Variants in ATP8B2 observed in about 807,000 individuals in gnomAD.
ATP8B2 encodes the protein phospholipid-transporting ATPase ID.
ATP8B2 carries 70 observed loss-of-function variants against 133.4 expected under a neutral mutation model. The ratio of observed to expected loss-of-function variants is 0.52; its 90% CI spans 0.43 to 0.64. The LOEUF is 0.64. Among genes scored for constraint, ATP8B2 ranks in the 30% least tolerant of loss-of-function variants. The pLI is 0.00. For synonymous variants in ATP8B2, 517 were observed against 589.5 expected (o/e 0.88, Z 1.78); for missense variants, 1,101 against 1,535.7 (o/e 0.72, Z 4.73).
chr1:154,331,655 C>T lies in ATP8B2; in HGVS notation c.415C>T (p.Leu139=), dbSNP rs141843435. 1.8e-4 allele frequency: 284 copies of T among 1,614,090 alleles called. No homozygotes were observed. The highest frequency in any genetic ancestry group is 2.2e-4 in the Non-Finnish European group (255 of 1,180,040). ...TGTCTGTGTTGGTGATATTATCAAGCTAGAAAATAACCAGTTTGTGGCGGT... is the reference window on the plus strand; with the variant it reads ...TGTCTGTGTTGGTGATATTATCAAGTTAGAAAATAACCAGTTTGTGGCGGT... ...MNVCVGDIIK[L]ENNQFVAADL... Residue 139 remains leucine, a synonymous_variant, in exon 7 of 28, where the codon CTA becomes TTA. Coordinates refer to ENST00000368489, the MANE Select transcript of ATP8B2 (RefSeq NM_001370597.1). The surrounding 1 kb of genome is among the most constrained non-coding windows in gnomAD (Gnocchi z 4.8).
At position 154,346,336 on chromosome 1, in the gene ATP8B2, A is replaced by G; in HGVS notation, c.2884A>G (p.Ile962Val). The change falls in exon 25 of 28, where the codon ATC (isoleucine) becomes GTC (valine). Residue 962 changes from isoleucine (I) to valine (V), a missense_variant. By Grantham distance (29) the Ile-to-Val change is conservative. Coordinates refer to ENST00000368489, the MANE Select transcript of ATP8B2 (RefSeq NM_001370597.1). The surrounding 1 kb of genome is among the most constrained non-coding windows in gnomAD (Gnocchi z 4.5). ...GTTCTTCATCTGCATCGCCCAGGGC[A>G]TCTACACCTCCGTGCTCATGTTCTT... ...REFFICIAQG[I>V]YTSVLMFFIP... 1 of 1,614,154 alleles carries G rather than the reference A, an allele frequency of 6.2e-7. No homozygotes were observed. Among genetic ancestry groups the G allele is most frequent in the Non-Finnish European group, 8.5e-7 (1 of 1,180,036 alleles).
At position 154,331,518 on chromosome 1, in the gene ATP8B2, T is replaced by G. The variant is rs778374633; in HGVS notation, c.365+13T>G. ...TGATCAATGGAATGTGAGTGCCTGT[T>G]GGAGACAAGAGCTCTGGGGACGAAG... On this transcript the variant is annotated intron_variant, in intron 6 of 27. Transcript: ENST00000368489. This position sits in a 1 kb window ranked among gnomAD's most constrained non-coding sequence, Gnocchi z 4.8. The G allele has an allele frequency of 2.5e-6, 4 of 1,613,980 alleles. No individual in the cohort carries two copies. In the South Asian group the frequency reaches 4.4e-5, roughly 18 times the overall value.
At position 154,330,353 on chromosome 1, in the gene ATP8B2, A is replaced by G. The variant is rs780067113; in HGVS notation, c.32-43A>G. On this transcript the variant is annotated intron_variant, in intron 2 of 27. Transcript: ENST00000368489. Reference sequence around the variant, plus strand: ...ACCCCCCAGCAAAGTGTTGGTCCAGACCTCAGTTTGCTCCTCCTGACTGCA... The same window carrying G: ...ACCCCCCAGCAAAGTGTTGGTCCAGGCCTCAGTTTGCTCCTCCTGACTGCA... 46 of 1,589,398 alleles carry G rather than the reference A, an allele frequency of 2.9e-5. No homozygotes were observed. In the Middle Eastern group the frequency reaches 5.0e-4, roughly 17 times the overall value.
At chr1:154,327,388 A>G (rs1457952318) in intron 1 of ATP8B2, among the ~76,000 whole-genome samples, 6 of 134,660 alleles carry the variant, frequency 4.5e-5, no homozygotes, top group African/African-American at 1.6e-4. Flanking sequence ...GTGCTCCCTA[A>G]GCCTGCACCC....
rs928088436 is a variant in ATP8B2 at position 154,327,356 on chromosome 1, C to T, written c.-37-749C>T. On this transcript the variant is annotated intron_variant, in intron 1 of 27. Transcript: ENST00000368489. ...GAGAAAGGACATGGGAAGGCGGAAG[C>T]AGGCAGAGGCTTGTCTCACTGGTGC... Among the ~76,000 whole-genome samples the T allele has an allele frequency of 2.0e-5, 3 of 147,096 alleles. No individual in the cohort carries two copies. The Admixed American group carries it at 2.1e-4, about 10-fold the overall frequency.
intron 9 of ATP8B2, among the ~76,000 whole-genome samples, chr1:154,333,294 C>T (rs1433838720): frequency 2.0e-5 from 3 of 151,910 alleles, no homozygotes; most frequent in Non-Finnish European, 1.5e-5. Flanking sequence ...CGTGCCACTG[C>T]ACTCCAGCCT....
chr1:154,343,220 C>G lies in ATP8B2; in HGVS notation c.1561C>G (p.His521Asp), dbSNP rs563722962. The part of the protein sequence containing the change: ...RSRTPKTITV[H>D]EMGTAITYQL... ...TCGCACCCCCAAAACAATCACCGTC[C>G]ATGAGATGGGCACAGCCATCACCTA... Residue 521 changes from histidine (H) to aspartate (D), a missense_variant, in exon 16 of 28, where the codon CAT becomes GAT. His to Asp is a moderately conservative substitution (Grantham distance 81, BLOSUM62 -1). Coordinates refer to ENST00000368489, the MANE Select transcript of ATP8B2 (RefSeq NM_001370597.1). This position sits in a 1 kb window ranked among gnomAD's most constrained non-coding sequence, Gnocchi z 5.8. 1 of 1,614,022 alleles carries G rather than the reference C, an allele frequency of 6.2e-7. No homozygotes were observed. The highest frequency in any genetic ancestry group is 8.5e-7 in the Non-Finnish European group (1 of 1,180,046).
chr1:154,331,404 CG>C lies in ATP8B2; in HGVS notation c.304-35del. On this transcript the variant is annotated intron_variant, in intron 5 of 27. Coordinates refer to ENST00000368489, the MANE Select transcript of ATP8B2 (RefSeq NM_001370597.1). This position sits in a 1 kb window ranked among gnomAD's most constrained non-coding sequence, Gnocchi z 4.8. ...TACTGATCAACGAATTCCTTCGAGG[CG>C]GGGGAAGGTGTCTTACCTTTCAGTT... 1 of 1,597,616 alleles carries C rather than the reference CG, an allele frequency of 6.3e-7. No individual in the cohort carries two copies. The highest frequency in any genetic ancestry group is 2.2e-5 in the East Asian group (1 of 44,806).
In ATP8B2 at chr1:154,343,644, A is replaced by G. The variant is rs1435583399; in HGVS notation, c.1758+76A>G. On this transcript the variant is annotated intron_variant, in intron 17 of 27. Transcript: ENST00000368489. This position sits in a 1 kb window ranked among gnomAD's most constrained non-coding sequence, Gnocchi z 5.8. Reference sequence around the variant, plus strand: ...GGGGGAGGCGACTTAAGTTTGTTTTATTGTGTAAATTTAAGGTCTACAACG... The same window carrying G: ...GGGGGAGGCGACTTAAGTTTGTTTTGTTGTGTAAATTTAAGGTCTACAACG... 3 of 1,368,406 alleles carry G rather than the reference A, an allele frequency of 2.2e-6. No homozygotes were observed. The highest frequency in any genetic ancestry group is 2.3e-5 in the East Asian group (1 of 42,594). The allele number at this position is 1,368,406 out of a possible 1,614,324, so 84.8% of individuals were successfully genotyped here.
At position 154,345,634 on chromosome 1, in the gene ATP8B2, CT is replaced by C; in HGVS notation, c.2694+90del. On this transcript the variant is annotated intron_variant, in intron 23 of 27. Transcript: ENST00000368489. This position sits in a 1 kb window ranked among gnomAD's most constrained non-coding sequence, Gnocchi z 5.6. Reference sequence around the variant, plus strand: ...TGTTTATCACTCAGTCCCCCAGGGCCTAGCTATTTTCTGGTACATACTCTTA... The same window carrying C: ...TGTTTATCACTCAGTCCCCCAGGGCCAGCTATTTTCTGGTACATACTCTTA... The C allele has an allele frequency of 7.3e-7, 1 of 1,373,100 alleles. No individual in the cohort carries two copies. Among genetic ancestry groups the C allele is most frequent in the Non-Finnish European group, 1.0e-6 (1 of 985,046 alleles). The allele number at this position is 1,373,100 out of a possible 1,614,324, so 85.1% of individuals were successfully genotyped here.
chr1:154,332,576 G>A (rs1454337376), intron 8 of ATP8B2, 42 bp from the exon 9 acceptor site: 9 of 1,472,606 alleles, frequency 6.1e-6, no homozygotes, highest in Middle Eastern at 1.7e-4. Flanking sequence ...AACATTTAGA[G>A]GATGAGGAGG....
rs1686708443 is a variant in ATP8B2 at position 154,349,291 on chromosome 1, G to A, written c.*173G>A. The A allele has an allele frequency of 1.1e-6, 1 of 929,134 alleles. No individual in the cohort carries two copies. The highest frequency in any genetic ancestry group is 2.9e-5 in the Admixed American group (1 of 34,794). 57.6% of individuals were successfully genotyped at this position (929,134 alleles called of 1,614,324 possible). ...CTGGGACATCTGTTCCCAGCTGTAGGCCCTTCCACCAGCTGGGGAGCTAGA... is the reference window on the plus strand; with the variant it reads ...CTGGGACATCTGTTCCCAGCTGTAGACCCTTCCACCAGCTGGGGAGCTAGA... On this transcript the variant is annotated 3_prime_UTR_variant, in exon 28 of 28. Transcript: ENST00000368489.
intron 26 of ATP8B2, among the ~76,000 whole-genome samples, 171 bp from the exon 27 acceptor site, chr1:154,348,237 G>C (rs923026524): frequency 6.6e-6 from 1 of 152,168 alleles, no homozygotes; most frequent in African/African-American, 2.4e-5. Context: ...CTGGAGCTTT[G>C]GGGGAGTTTG....
At chr1:154,337,316 C>A in intron 11 of ATP8B2, 32 bp from the exon 12 acceptor site, 1 of 1,589,800 alleles carries the variant, frequency 6.3e-7, no homozygotes, top group South Asian at 1.2e-5. Context: ...TCCTACATGT[C>A]AGCCTCGCCT....
At chr1:154,348,028 A>ACCAG (rs35837124) in intron 26 of ATP8B2, among the ~76,000 whole-genome samples, 1 of 150,876 alleles carries the variant, frequency 6.6e-6, no homozygotes, top group Non-Finnish European at 1.5e-5. Context: ...CAACAAAAAA[A>ACCAG]AAATTAAAAA....
intron 1 of ATP8B2, among the ~76,000 whole-genome samples, chr1:154,326,271 G>A (rs944020252): frequency 4.3e-4 from 66 of 152,066 alleles, no homozygotes; most frequent in Admixed American, 4.1e-3. Flanking sequence ...TGGAGGTCTC[G>A]AGTTCCATTT....
rs1195823042 is a variant in ATP8B2, at chr1:154,350,967, T to G, written c.*1849T>G. 1 of 152,406 alleles carries G rather than the reference T, an allele frequency of 6.6e-6. No homozygotes were observed. The highest frequency in any genetic ancestry group is 2.4e-5 in the African/African-American group (1 of 41,376). The allele number at this position is 152,406 out of a possible 1,614,324, so 9.4% of individuals were successfully genotyped here. A position where few individuals can be genotyped will look rare whatever the true frequency, so the allele number is the denominator to read the frequency against. The stretch of plus-strand genomic sequence containing the variant: ...GGCAGGGAATGGGAGAGGGGAAGTC[T>G]TGGCAGGGAAATCCCTTTTGGCCAC... On this transcript the variant is annotated 3_prime_UTR_variant, in exon 28 of 28. Coordinates refer to ENST00000368489, the MANE Select transcript of ATP8B2 (RefSeq NM_001370597.1).
At chr1:154,342,197 C>G (rs915753791) in intron 13 of ATP8B2, among the ~76,000 whole-genome samples, 3 of 151,942 alleles carry the variant, frequency 2.0e-5, no homozygotes, top group African/African-American at 7.3e-5. Context: ...GGAATTGGAG[C>G]TGCCCTGAGG....
intron 1 of ATP8B2, among the ~76,000 whole-genome samples, chr1:154,326,522 T>G (rs1200819071): frequency 2.6e-5 from 4 of 152,076 alleles, no homozygotes; most frequent in African/African-American, 9.7e-5. Flanking sequence ...CCAGGCTGTG[T>G]GAGACTAAGA....
Sources: allele counts gnomAD v4.1 joint callset (sites outside exome capture counted in the v4.1 genomes callset), GRCh38; gene constraint gnomAD v4.1.1; non-coding constraint Gnocchi (gnomAD v3.1); transcripts MANE v1.5; gene names NCBI Gene and HGNC (gene_info 2026-07-23, HGNC 2026-07-21).